Variants in CNIH3 observed in about 807,000 individuals in gnomAD.
The protein encoded by CNIH3 is cornichon family AMPA receptor auxiliary protein 3.
CNIH3 carries 14 observed loss-of-function variants against 24.1 expected under a neutral mutation model. The observed-to-expected ratio is 0.58, with a 90% CI of 0.38 to 0.91. The LOEUF (loss-of-function observed/expected upper bound fraction) is 0.91, where lower values mean the gene tolerates loss of function less well. Ranked by LOEUF, CNIH3 falls within the 40% of genes least tolerant of loss-of-function variation. CNIH3 has a pLI of 0.00. For missense variants in CNIH3, 178 were observed against 196.8 expected, an observed-to-expected ratio of 0.90 and a Z score of 0.57; for synonymous variants, 68 against 73.8, an observed-to-expected ratio of 0.92 and a Z score of 0.40.
chr1:224,524,054 G>A (rs1678747522), intron 2 of CNIH3, among the ~76,000 whole-genome samples: 1 of 152,184 alleles, frequency 6.6e-6, no homozygotes, highest in African/African-American at 2.4e-5. Flanking sequence ...AACTTCTTAG[G>A]GAATTGCTTT....
At chr1:224,528,668 A>G (rs1219602774) in intron 2 of CNIH3, among the ~76,000 whole-genome samples, 1 of 152,116 alleles carries the variant, frequency 6.6e-6, no homozygotes, top group African/African-American at 2.4e-5. Flanking sequence ...AGTTACAGGC[A>G]ATTTGGGTTT....
At chr1:224,500,468 T>C (rs556389213) in intron 1 of CNIH3, among the ~76,000 whole-genome samples, 6 of 152,212 alleles carry the variant, frequency 3.9e-5, no homozygotes, top group African/African-American at 1.4e-4. Flanking sequence ...ACTCAGGAGT[T>C]GGAAACCAGC....
chr1:224,554,451 G>A (rs896626920), intron 3 of CNIH3, among the ~76,000 whole-genome samples: 1 of 152,106 alleles, frequency 6.6e-6, no homozygotes, highest in African/African-American at 2.4e-5. Flanking sequence ...ACCCACTGAG[G>A]ATTGAAAAGA....
chr1:224,588,221 A>G (rs762248016), intron 5 of CNIH3: 2 of 152,212 alleles, frequency 1.3e-5, no homozygotes, highest in Non-Finnish European at 2.9e-5. Flanking sequence ...GCAAGACCTA[A>G]TAGGACAATT....
At position 224,616,603 on chromosome 1, in the gene CNIH3, T is replaced by C; in HGVS notation, c.-572T>C. On this transcript the variant is annotated 5_prime_UTR_variant, in exon 1 of 6. Coordinates refer to ENST00000272133, the MANE Select transcript of CNIH3 (RefSeq NM_152495.2). ...CGGGACCTACCTCCTCCCGGCTACC[T>C]AAAGACTCCTTCTCTCGGGAAAGAG... 1 of 986,912 alleles carries C rather than the reference T, an allele frequency of 1.0e-6. No individual in the cohort carries two copies. Among genetic ancestry groups the C allele is most frequent in the Non-Finnish European group, 1.2e-6 (1 of 831,048 alleles). 61.1% of individuals were successfully genotyped at this position (986,912 alleles called of 1,614,324 possible).
At chr1:224,560,266 C>T (rs1204235363) in intron 3 of CNIH3, among the ~76,000 whole-genome samples, 1 of 152,156 alleles carries the variant, frequency 6.6e-6, no homozygotes, top group East Asian at 1.9e-4. Context: ...TTCTGGGTCA[C>T]AGGATGAGCA....
At chr1:224,453,176 T>C (rs1280520288) in intron 1 of CNIH3, among the ~76,000 whole-genome samples, 1 of 151,624 alleles carries the variant, frequency 6.6e-6, no homozygotes, top group African/African-American at 2.4e-5. Flanking sequence ...TGTGTATATA[T>C]ATTTTTATTT....
chr1:224,650,287 C>T lies in CNIH3; in HGVS notation c.82-30671C>T, dbSNP rs556469880. On this transcript the variant is annotated intron_variant, in intron 1 of 5. Coordinates refer to ENST00000272133, the MANE Select transcript of CNIH3 (RefSeq NM_152495.2). The stretch of plus-strand genomic sequence containing the variant: ...AAGACTGAGGAGTATGGGGCCAGGG[C>T]GCTCTCTGCCTAAGGAGCATTTTTC... 3.9e-5 allele frequency among the ~76,000 whole-genome samples: 6 copies of T among 152,180 alleles called. 1 individual carries two copies. The South Asian group carries it at 8.3e-4, about 21-fold the overall frequency.
chr1:224,668,212 G>A (rs575516418), intron 1 of CNIH3, among the ~76,000 whole-genome samples: 3 of 152,222 alleles, frequency 2.0e-5, no homozygotes, highest in Admixed American at 1.3e-4. Context: ...ACAAGCAACC[G>A]GTCACCTACA....
At chr1:224,457,501 TG>T (rs1326984453) in intron 1 of CNIH3, among the ~76,000 whole-genome samples, 4 of 148,808 alleles carry the variant, frequency 2.7e-5, no homozygotes, top group African/African-American at 1.0e-4. Context: ...TGGGAATCTG[TG>T]GTCTGGGGAT....
intron 1 of CNIH3, chr1:224,435,038 G>T: frequency 1.0e-6 from 1 of 985,560 alleles, no homozygotes; most frequent in Non-Finnish European, 1.2e-6. Flanking sequence ...CCCTGGCTCG[G>T]CTGGCTCGAC....
At chr1:224,700,864 CAGGCACAGAGTCAGG>C (rs1207144226) in intron 3 of CNIH3, among the ~76,000 whole-genome samples, 1 of 152,218 alleles carries the variant, frequency 6.6e-6, no homozygotes, top group Non-Finnish European at 1.5e-5. Flanking sequence ...GTTTCCCCAG[CAGGCACAGAGTCAGG>C]ACAAAATCCA....
chr1:224,737,308 C>T (rs1216567334), intron 5 of CNIH3, among the ~76,000 whole-genome samples: 1 of 152,096 alleles, frequency 6.6e-6, no homozygotes, highest in Non-Finnish European at 1.5e-5. Flanking sequence ...TCCAGACAGT[C>T]TGTTTGACTG....
chr1:224,460,913 G>A (rs1296316776), intron 1 of CNIH3, among the ~76,000 whole-genome samples: 1 of 151,704 alleles, frequency 6.6e-6, no homozygotes. Context: ...GTGAGTAGCC[G>A]GGATTATAGG....
rs1397023840 is a variant in CNIH3, at chr1:224,740,425, T to G, written c.*1069T>G. 1 of 152,248 alleles carries G rather than the reference T, an allele frequency of 6.6e-6. No homozygotes were observed. The highest frequency in any genetic ancestry group is 1.5e-5 in the Non-Finnish European group (1 of 68,046). The allele number at this position is 152,248 out of a possible 1,614,324, so 9.4% of individuals were successfully genotyped here. A position where few individuals can be genotyped will look rare whatever the true frequency, so the allele number is the denominator to read the frequency against. On this transcript the variant is annotated 3_prime_UTR_variant, in exon 6 of 6. Coordinates refer to ENST00000272133, the MANE Select transcript of CNIH3 (RefSeq NM_152495.2). ...TCCCCAAACTTCTTTTCTTTTCTAC[T>G]GTTTAACATACACAGGCTATTTATA...
chr1:224,547,527 A>G (rs1679747606), intron 3 of CNIH3, among the ~76,000 whole-genome samples: 1 of 151,902 alleles, frequency 6.6e-6, no homozygotes. Context: ...ATTAGTAATA[A>G]TTAAGGGGGG....
intron 1 of CNIH3, among the ~76,000 whole-genome samples, chr1:224,460,240 T>C (rs892280383): frequency 6.6e-6 from 1 of 152,148 alleles, no homozygotes; most frequent in African/African-American, 2.4e-5. Context: ...CACAATGAGG[T>C]ATAATTGATA....
chr1:224,544,245 C>T (rs1679618744), intron 2 of CNIH3, among the ~76,000 whole-genome samples: 1 of 152,196 alleles, frequency 6.6e-6, no homozygotes, highest in African/African-American at 2.4e-5. Flanking sequence ...TAGTTGCAAT[C>T]ACCACTTGGT....
intron 1 of CNIH3, among the ~76,000 whole-genome samples, chr1:224,640,951 G>T (rs1684328333): frequency 6.6e-6 from 1 of 152,222 alleles, no homozygotes; most frequent in African/African-American, 2.4e-5. Context: ...AAGTGTGGAG[G>T]TGATGTGTTT....
Sources: allele counts gnomAD v4.1 joint callset (sites outside exome capture counted in the v4.1 genomes callset), GRCh38; gene constraint gnomAD v4.1.1; transcripts MANE v1.5; gene names NCBI Gene and HGNC (gene_info 2026-07-23, HGNC 2026-07-21).